The following DLGAP2 variants were observed in gnomAD, a reference collection of about 807,000 sequenced individuals.
DLGAP2 encodes disks large-associated protein 2.
In DLGAP2, 26 loss-of-function variants were observed where a neutral mutation model predicts 100.3. That is an observed-to-expected ratio of 0.26 (90% CI 0.19 to 0.36). DLGAP2 has a LOEUF of 0.36. Ranked by LOEUF, DLGAP2 falls within the 10% of genes least tolerant of loss-of-function variation. DLGAP2 has a pLI of 1.00. For missense variants in DLGAP2, 1,858 were observed against 1,453.2 expected (o/e 1.28, Z -4.53); for synonymous variants, 886 against 630.1 (o/e 1.41, Z -6.08).
At chr8:1,040,378 T>TCAGTG (rs1802303595) in intron 2 of DLGAP2, among the ~76,000 whole-genome samples, 1 of 108,940 alleles carries the variant, frequency 9.2e-6, no homozygotes, top group Non-Finnish European at 1.9e-5. Flanking sequence ...TCAGCTTGGT[T>TCAGTG]TCCGTGGTCA....
At chr8:1,097,838 G>A (rs919432847) in intron 2 of DLGAP2, among the ~76,000 whole-genome samples, 7 of 140,248 alleles carry the variant, frequency 5.0e-5, no homozygotes, top group South Asian at 4.8e-4. Flanking sequence ...CTGGCAGCCC[G>A]GGGCAGGCCT....
intron 1 of DLGAP2, among the ~76,000 whole-genome samples, chr8:769,731 C>G (rs146343744): frequency 0.012 from 1,835 of 152,270 alleles, 18 homozygotes; most frequent in Non-Finnish European, 0.018. Flanking sequence ...TCCCCTTCCT[C>G]CTAGGGACAC....
At chr8:1,540,582 C>T (rs951271165) in intron 4 of DLGAP2, among the ~76,000 whole-genome samples, 40 of 152,210 alleles carry the variant, frequency 2.6e-4, no homozygotes, top group African/African-American at 9.2e-4. Flanking sequence ...AACTTCCTGC[C>T]GGGCTGGGCG....
At chr8:1,424,967 A>C (rs1016280204) in intron 3 of DLGAP2, among the ~76,000 whole-genome samples, 11 of 152,082 alleles carry the variant, frequency 7.2e-5, no homozygotes, top group African/African-American at 2.7e-4. Context: ...GCTGCACAAC[A>C]ATGAGAAAGT....
chr8:805,178 T>G (rs1006101206), intron 1 of DLGAP2, among the ~76,000 whole-genome samples: 2 of 152,220 alleles, frequency 1.3e-5, no homozygotes, highest in Admixed American at 1.3e-4. Context: ...TCTTTTCTCA[T>G]TTATAATGCC....
At chr8:1,360,917 C>G (rs1055444561) in intron 3 of DLGAP2, among the ~76,000 whole-genome samples, 6 of 152,216 alleles carry the variant, frequency 3.9e-5, no homozygotes, top group African/African-American at 1.4e-4. Context: ...GGTTTCTCGC[C>G]TCTCATCGCT....
intron 2 of DLGAP2, among the ~76,000 whole-genome samples, chr8:935,145 C>T (rs781526332): frequency 6.6e-5 from 10 of 152,342 alleles, no homozygotes; most frequent in African/African-American, 1.4e-4. Context: ...GACGCTGAGG[C>T]GGCTGCCCCT....
intron 1 of DLGAP2, among the ~76,000 whole-genome samples, chr8:821,298 G>A (rs1288759895): frequency 6.6e-6 from 1 of 152,182 alleles, no homozygotes; most frequent in East Asian, 1.9e-4. Flanking sequence ...CATGATCATA[G>A]TTTTTAAGGC....
At chr8:1,344,336 T>G (rs1446565004) in intron 3 of DLGAP2, among the ~76,000 whole-genome samples, 1 of 152,162 alleles carries the variant, frequency 6.6e-6, no homozygotes, top group Non-Finnish European at 1.5e-5. Flanking sequence ...GCCACCTGCA[T>G]TGCCCTCACA....
Position 890,767 on chromosome 8 carries a change from C to G in DLGAP2, c.19-17145C>G, listed in dbSNP as rs116015874. Among the ~76,000 whole-genome samples the G allele has an allele frequency of 1.9e-3, 296 of 152,222 alleles. 1 individual carries two copies. Among genetic ancestry groups the G allele is most frequent in the African/African-American group, 6.8e-3 (281 of 41,544 alleles). The stretch of plus-strand genomic sequence containing the variant: ...TGGCTGGGATCTGCTTCCTGTGTGT[C>G]TCCGGCCTCAGCCCCCTGTCCTTTG... On this transcript the variant is annotated intron_variant, in intron 1 of 14. Transcript: ENST00000637795.
chr8:932,913 C>G (rs1184688474), intron 2 of DLGAP2, among the ~76,000 whole-genome samples: 1 of 152,196 alleles, frequency 6.6e-6, no homozygotes, highest in Non-Finnish European at 1.5e-5. Flanking sequence ...AACATAACTT[C>G]CCCCTTTCCC....
intron 1 of DLGAP2, among the ~76,000 whole-genome samples, chr8:784,220 A>G (rs1050894382): frequency 6.6e-6 from 1 of 152,204 alleles, no homozygotes; most frequent in East Asian, 1.9e-4. Flanking sequence ...AAAATTTATA[A>G]TTATATTTTA....
chr8:1,335,853 T>C (rs1801260876), intron 3 of DLGAP2, among the ~76,000 whole-genome samples: 1 of 152,104 alleles, frequency 6.6e-6, no homozygotes, highest in Admixed American at 6.5e-5. Flanking sequence ...AAAAGGAAAC[T>C]AAGGGAAGCA....
chr8:1,459,781 G>C (rs1798422781), intron 3 of DLGAP2, among the ~76,000 whole-genome samples: 1 of 148,458 alleles, frequency 6.7e-6, no homozygotes, highest in Non-Finnish European at 1.5e-5. Flanking sequence ...TGCCTCCCAG[G>C]TTCAAGCAAT....
chr8:1,668,554 C>T lies in DLGAP2; in HGVS notation c.2036C>T (p.Thr679Met), dbSNP rs764292335. 51 of 1,589,600 alleles carry T rather than the reference C, an allele frequency of 3.2e-5. No homozygotes were observed. The East Asian group carries it at 9.0e-4, about 28-fold the overall frequency. Residue 679 changes from threonine to methionine, a missense_variant, in exon 9 of 15, where the codon ACG becomes ATG. Coordinates refer to ENST00000637795, the MANE Select transcript of DLGAP2 (RefSeq NM_001346810.2). ...AAGGCCATGAACCTCGCGCTGGAAA[C>T]GGCCGCTGCCCAGCGCCACCTGCCA... Reference protein sequence around the residue: ...SNKAMNLALETAAAQRHLPES... With the variant: ...SNKAMNLALEMAAAQRHLPES...
rs116204391 is a variant in DLGAP2, at chr8:1,064,429, A to G, written c.73+156463A>G. On this transcript the variant is annotated intron_variant, in intron 2 of 14. Coordinates refer to ENST00000637795, the MANE Select transcript of DLGAP2 (RefSeq NM_001346810.2). ...GGGATGTTGTATATTTGATGGATAT[A>G]TAACAAATGTGATTTCACCAGCATT... is the stretch of plus-strand genomic sequence containing the variant. Among the ~76,000 whole-genome samples the G allele has an allele frequency of 5.3e-3, 800 of 152,338 alleles. 10 individuals carry two copies. Among genetic ancestry groups the G allele is most frequent in the African/African-American group, 0.018 (758 of 41,586 alleles).
At chr8:1,517,923 G>T (rs530926546) in intron 4 of DLGAP2, among the ~76,000 whole-genome samples, 2 of 152,376 alleles carry the variant, frequency 1.3e-5, no homozygotes, top group East Asian at 3.9e-4. Context: ...ACGGTATGTT[G>T]TTTGGACCTG....
chr8:1,355,730 A>G (rs1436194721), intron 3 of DLGAP2, among the ~76,000 whole-genome samples: 1 of 152,104 alleles, frequency 6.6e-6, no homozygotes, highest in Non-Finnish European at 1.5e-5. Context: ...CAGAGCTCTG[A>G]ACAAGACTGG....
At chr8:1,257,027 C>T (rs905797688) in intron 2 of DLGAP2, among the ~76,000 whole-genome samples, 32 of 152,244 alleles carry the variant, frequency 2.1e-4, no homozygotes, top group African/African-American at 6.5e-4. Flanking sequence ...TCCTGCCCTG[C>T]GGCCCCGACG....
Sources: allele counts gnomAD v4.1 joint callset (sites outside exome capture counted in the v4.1 genomes callset), GRCh38; gene constraint gnomAD v4.1.1; transcripts MANE v1.5; gene names NCBI Gene and HGNC (gene_info 2026-07-23, HGNC 2026-07-21).